The following KIAA1217 variants were observed in gnomAD, a reference collection of about 807,000 sequenced individuals.
KIAA1217 encodes sickle tail protein homolog.
Under a neutral mutation model 163.9 loss-of-function variants are expected in KIAA1217, and 88 were observed. That is an observed-to-expected ratio of 0.54 (90% CI 0.45 to 0.64). The LOEUF (loss-of-function observed/expected upper bound fraction) is 0.64. KIAA1217 is among the 30% of genes least tolerant of loss of function. KIAA1217 has a pLI of 0.00. For missense variants in KIAA1217, 2,372 were observed against 2,475.0 expected (o/e 0.96, Z 0.88); for synonymous variants, 903 against 923.1 (o/e 0.98, Z 0.39).
At chr10:24,208,462 T>A (rs7922389), upstream of KIAA1217, among the ~76,000 whole-genome samples, 22,025 of 151,852 alleles carry the variant, frequency 0.15, 3,270 homozygotes, top group African/African-American at 0.38. Flanking sequence ...AACTTTTTTT[T>A]AAAAAGTCCA....
chr10:23,867,678 G>A (rs1449429113), intron 1 of KIAA1217, among the ~76,000 whole-genome samples: 4 of 151,994 alleles, frequency 2.6e-5, no homozygotes, highest in Admixed American at 6.6e-5. Context: ...CATGTCCTTC[G>A]CCTACTTTTT....
intron 5 of KIAA1217, among the ~76,000 whole-genome samples, chr10:24,454,505 A>G (rs1173899765): frequency 2.6e-5 from 4 of 152,242 alleles, no homozygotes; most frequent in Non-Finnish European, 5.9e-5. Flanking sequence ...AAACAACAAT[A>G]AGGAATCATA....
At chr10:23,899,579 C>T (rs1841865714) in intron 1 of KIAA1217, among the ~76,000 whole-genome samples, 1 of 152,104 alleles carries the variant, frequency 6.6e-6, no homozygotes, top group African/African-American at 2.4e-5. Context: ...ACTCTGTCAG[C>T]TCTTTTCCCC....
intron 2 of KIAA1217, among the ~76,000 whole-genome samples, chr10:24,182,437 A>ACCACACACACACAC (rs755699331): frequency 0.011 from 1,178 of 108,652 alleles, 22 homozygotes; most frequent in African/African-American, 0.034. Context: ...GCAAGACTCC[A>ACCACACACACACAC]TCACACACAC....
At chr10:23,700,465 T>C (rs981150049) in intron 1 of KIAA1217, among the ~76,000 whole-genome samples, 3 of 152,058 alleles carry the variant, frequency 2.0e-5, no homozygotes, top group Non-Finnish European at 2.9e-5. Flanking sequence ...GTGACTCCTC[T>C]GCTTAAATTT....
intron 2 of KIAA1217, among the ~76,000 whole-genome samples, chr10:24,173,164 G>A (rs142550260): frequency 6.6e-6 from 1 of 152,216 alleles, no homozygotes; most frequent in Non-Finnish European, 1.5e-5. Context: ...ATTCTCATAG[G>A]AGTGTGAACC....
intron 2 of KIAA1217, among the ~76,000 whole-genome samples, chr10:24,364,647 C>T (rs1042494567): frequency 6.6e-6 from 1 of 152,126 alleles, no homozygotes; most frequent in African/African-American, 2.4e-5. Flanking sequence ...TTCTAGGTTT[C>T]CGTGACCTTA....
intron 1 of KIAA1217, among the ~76,000 whole-genome samples, chr10:24,209,550 C>T (rs886256420): frequency 6.6e-6 from 1 of 152,144 alleles, no homozygotes; most frequent in Non-Finnish European, 1.5e-5. Flanking sequence ...TAAGCAATGA[C>T]AAATAAATCA....
intron 1 of KIAA1217, among the ~76,000 whole-genome samples, chr10:23,990,322 T>C (rs1419381708): frequency 6.6e-6 from 1 of 152,212 alleles, no homozygotes; most frequent in Non-Finnish European, 1.5e-5. Flanking sequence ...AAGTTTCATC[T>C]TTCTATTTGT....
intron 1 of KIAA1217, among the ~76,000 whole-genome samples, chr10:23,868,342 C>A (rs1840294120): frequency 6.6e-6 from 1 of 152,144 alleles, no homozygotes; most frequent in Non-Finnish European, 1.5e-5. Flanking sequence ...ATAGGCTGAG[C>A]AGAGCCTGGG....
chr10:24,092,467 C>G (rs1242738594), intron 2 of KIAA1217, among the ~76,000 whole-genome samples: 4 of 151,958 alleles, frequency 2.6e-5, no homozygotes, highest in Non-Finnish European at 4.4e-5. Context: ...TTTCTAATAG[C>G]TCTATTTGTA....
chr10:24,187,044 CTCAT>C (rs1303561762), intron 2 of KIAA1217, among the ~76,000 whole-genome samples: 7 of 152,124 alleles, frequency 4.6e-5, no homozygotes, highest in Non-Finnish European at 7.3e-5. Flanking sequence ...CCAACGGTGC[CTCAT>C]TTTTACGATG....
intron 2 of KIAA1217, among the ~76,000 whole-genome samples, chr10:24,197,872 T>C (rs1008561279): frequency 1.3e-5 from 2 of 152,228 alleles, no homozygotes; most frequent in African/African-American, 4.8e-5. Flanking sequence ...TTCAAGCTTT[T>C]TGTGCATGAA....
At chr10:24,006,038 T>C (rs899264632) in intron 1 of KIAA1217, among the ~76,000 whole-genome samples, 4 of 152,212 alleles carry the variant, frequency 2.6e-5, no homozygotes, top group African/African-American at 9.6e-5. Context: ...TCATCTCTCC[T>C]GTGTTATACG....
At chr10:24,283,403 A>G (rs1466398264) in intron 2 of KIAA1217, among the ~76,000 whole-genome samples, 1 of 151,888 alleles carries the variant, frequency 6.6e-6, no homozygotes, top group East Asian at 2.0e-4. Context: ...ATGGTGGCTT[A>G]CGCCTGTAAT....
intron 1 of KIAA1217, among the ~76,000 whole-genome samples, chr10:23,790,800 C>T (rs1208272088): frequency 6.6e-6 from 1 of 151,664 alleles, no homozygotes; most frequent in Non-Finnish European, 1.5e-5. Context: ...GTGGCATGAT[C>T]TTGATGCATT....
intron 1 of KIAA1217, among the ~76,000 whole-genome samples, chr10:23,741,437 T>A (rs745926815): frequency 6.6e-6 from 1 of 152,232 alleles, no homozygotes; most frequent in Non-Finnish European, 1.5e-5. Flanking sequence ...GCAATTGGAA[T>A]GATTCTGACT....
intron 3 of KIAA1217, among the ~76,000 whole-genome samples, chr10:24,405,173 T>A (rs749516179): frequency 1.3e-5 from 2 of 152,208 alleles, no homozygotes; most frequent in Non-Finnish European, 2.9e-5. Flanking sequence ...GAATAAGCTC[T>A]GTGGGTTGCA....
intron 1 of KIAA1217, among the ~76,000 whole-genome samples, chr10:23,816,527 G>C (rs1423742227): frequency 2.0e-5 from 3 of 152,120 alleles, no homozygotes; most frequent in African/African-American, 7.2e-5. Context: ...TCCTGGCCGG[G>C]TGCGGTGGCT....
Sources: gnomAD v4.1 joint callset for allele counts (sites outside exome capture counted in the v4.1 genomes callset) on GRCh38, gnomAD v4.1.1 for gene constraint, MANE v1.5 for transcripts, NCBI Gene and HGNC (gene_info 2026-07-23, HGNC 2026-07-21) for gene names.